The following PAK1 variants were observed in gnomAD, a reference collection of about 807,000 sequenced individuals.
PAK1 encodes serine/threonine-protein kinase PAK 1.
A neutral mutation model predicts 67.4 loss-of-function variants in PAK1; 29 were observed. That is an observed-to-expected ratio of 0.43 (90% CI 0.32 to 0.59). The LOEUF is 0.59. Among genes scored for constraint, PAK1 ranks in the 20% least tolerant of loss-of-function variants. The probability of loss-of-function intolerance (pLI) is 0.07; values close to 1 mark genes in which losing one functional copy is unlikely to be tolerated. For missense variants in PAK1, 337 were observed against 670.7 expected, an observed-to-expected ratio of 0.50 and a Z score of 5.50; for synonymous variants, 223 against 237.4, an observed-to-expected ratio of 0.94 and a Z score of 0.56.
intron 1 of PAK1, among the ~76,000 whole-genome samples, chr11:77,399,031 T>C (rs1262733789): frequency 6.6e-6 from 1 of 152,196 alleles, no homozygotes; most frequent in East Asian, 1.9e-4. Flanking sequence ...AGCAAACACA[T>C]ATGAAAGGTA....
chr11:77,341,643 A>T (rs573955127), intron 10 of PAK1, among the ~76,000 whole-genome samples: 1 of 152,350 alleles, frequency 6.6e-6, no homozygotes, highest in East Asian at 1.9e-4. Context: ...AGACAAATAA[A>T]AACAAGGCGA....
At chr11:77,495,141 GAC>G in the PAK1 span, among the ~76,000 whole-genome samples, 23 of 143,624 alleles carry the variant, frequency 1.6e-4, no homozygotes, top group African/African-American at 6.0e-4. Flanking sequence ...CAGCCTGGGT[GAC>G]AGAGTGAGAC....
intron 1 of PAK1, among the ~76,000 whole-genome samples, chr11:77,418,906 T>C (rs1955110865): frequency 6.6e-6 from 1 of 152,072 alleles, no homozygotes; most frequent in Admixed American, 6.5e-5. Context: ...ACCAAATAAA[T>C]AGGACCAGGT....
At chr11:77,469,166 A>T (rs1287510565) in intron 1 of PAK1, among the ~76,000 whole-genome samples, 3 of 152,198 alleles carry the variant, frequency 2.0e-5, no homozygotes, top group Non-Finnish European at 4.4e-5. Flanking sequence ...CTGTACTGAA[A>T]ATAGCACATA....
At chr11:77,468,271 T>C (rs2032111801) in intron 1 of PAK1, among the ~76,000 whole-genome samples, 2 of 152,272 alleles carry the variant, frequency 1.3e-5, no homozygotes, top group South Asian at 4.1e-4. Flanking sequence ...ACTTAAGAAT[T>C]AGATGAATTC....
chr11:77,501,913 T>C, the PAK1 span, among the ~76,000 whole-genome samples: 1 of 152,212 alleles, frequency 6.6e-6, no homozygotes, highest in Non-Finnish European at 1.5e-5. Flanking sequence ...TCTTCCTCCT[T>C]CTGCTTCCTT....
chr11:77,379,856 C>CT, intron 3 of PAK1, 38 bp downstream of exon 3: 1 of 1,382,190 alleles, frequency 7.2e-7, no homozygotes, highest in Non-Finnish European at 1.0e-6. Context: ...AGCCAGAACT[C>CT]TAAAAGACTA....
chr11:77,515,065 C>T, the PAK1 span: 1 of 152,166 alleles, frequency 6.6e-6, no homozygotes, highest in Non-Finnish European at 1.5e-5. Flanking sequence ...AATTGAATAG[C>T]AATAATTTTT....
Position 77,323,205 on chromosome 11 carries a change from T to C in PAK1, c.*69A>G. ...GGCAAGGAGAAGAGGGCATCAGGAG[T>C]TGGAATTTCTGAAATGTGCATTTAT... On this transcript the variant is annotated 3_prime_UTR_variant, in exon 15 of 15. Coordinates refer to ENST00000356341, the MANE Select transcript of PAK1 (RefSeq NM_002576.5). 1.9e-6 allele frequency: 3 copies of C among 1,606,304 alleles called. No homozygotes were observed. Among genetic ancestry groups the C allele is most frequent in the Non-Finnish European group, 2.6e-6 (3 of 1,176,118 alleles).
chr11:77,369,374 A>G (rs1355239425), intron 5 of PAK1, among the ~76,000 whole-genome samples: 1 of 143,084 alleles, frequency 7.0e-6, no homozygotes, highest in African/African-American at 2.6e-5. Flanking sequence ...CAAATTTTCT[A>G]TCTTTTATAT....
At chr11:77,415,057 C>A (rs979429491) in intron 1 of PAK1, among the ~76,000 whole-genome samples, 22 of 152,092 alleles carry the variant, frequency 1.4e-4, no homozygotes, top group African/African-American at 5.3e-4. Flanking sequence ...AAAAAAACAA[C>A]TGTGCAAAAG....
At chr11:77,399,383 TG>T (rs1952292281) in intron 1 of PAK1, among the ~76,000 whole-genome samples, 1 of 152,176 alleles carries the variant, frequency 6.6e-6, no homozygotes, top group East Asian at 1.9e-4. Context: ...AGAAAAGAGG[TG>T]GTATTAAGAG....
At chr11:77,376,433 C>T (rs191925162) in intron 4 of PAK1, among the ~76,000 whole-genome samples, 1 of 152,272 alleles carries the variant, frequency 6.6e-6, no homozygotes, top group Admixed American at 6.5e-5. Context: ...ACATTAGCTA[C>T]TAACAGGTAT....
chr11:77,465,752 C>A (rs1252183395), intron 1 of PAK1, among the ~76,000 whole-genome samples: 1 of 151,764 alleles, frequency 6.6e-6, no homozygotes, highest in African/African-American at 2.4e-5. Flanking sequence ...TCACTTGAGT[C>A]CAGCCTGGGC....
chr11:77,475,274 CTAAA>C (rs570545301), upstream of PAK1: 2 of 152,340 alleles, frequency 1.3e-5, no homozygotes, highest in Middle Eastern at 3.4e-3. Context: ...GTAGCTTCTC[CTAAA>C]TATTTTTCAA....
the PAK1 span, among the ~76,000 whole-genome samples, chr11:77,481,074 A>G: frequency 2.0e-5 from 3 of 152,286 alleles, no homozygotes; most frequent in East Asian, 5.8e-4. Context: ...GTTCTAGTGC[A>G]TATTTTAAAA....
intron 1 of PAK1, among the ~76,000 whole-genome samples, chr11:77,446,940 T>G (rs1335578134): frequency 1.3e-5 from 2 of 151,402 alleles, no homozygotes; most frequent in Non-Finnish European, 2.9e-5. Flanking sequence ...AGCTGTAATC[T>G]AGAGCCTTGC....
the PAK1 span, among the ~76,000 whole-genome samples, chr11:77,517,957 G>A: frequency 1.3e-5 from 2 of 152,286 alleles, no homozygotes; most frequent in African/African-American, 4.8e-5. Flanking sequence ...GCAATGGGGA[G>A]GGGCTATAAA....
the PAK1 span, among the ~76,000 whole-genome samples, chr11:77,522,476 A>T: frequency 6.6e-6 from 1 of 152,238 alleles, no homozygotes; most frequent in Admixed American, 6.5e-5. Flanking sequence ...TCCTGTTGTG[A>T]ACATCACTAA....
Sources: allele counts gnomAD v4.1 joint callset (sites outside exome capture counted in the v4.1 genomes callset), GRCh38; gene constraint gnomAD v4.1.1; transcripts MANE v1.5; gene names NCBI Gene and HGNC (gene_info 2026-07-23, HGNC 2026-07-21).